Variants in PPP3CA observed in about 807,000 individuals in gnomAD.
PPP3CA encodes the protein CAM-PRP catalytic subunit.
Under a neutral mutation model 66.5 loss-of-function variants are expected in PPP3CA, and 14 were observed. The ratio of observed to expected loss-of-function variants is 0.21; its 90% CI spans 0.14 to 0.33. The LOEUF (loss-of-function observed/expected upper bound fraction) is 0.33. PPP3CA is among the 10% of genes least tolerant of loss of function. The pLI is 1.00. For synonymous variants in PPP3CA, 232 were observed against 226.2 expected (o/e 1.03, Z -0.23); for missense variants, 317 against 639.5 (o/e 0.50, Z 5.44).
chr4:101,294,680 C>T (rs1194162437), intron 1 of PPP3CA, among the ~76,000 whole-genome samples: 2 of 151,828 alleles, frequency 1.3e-5, no homozygotes, highest in Non-Finnish European at 2.9e-5. Flanking sequence ...GGGTTTCAAC[C>T]TCAGCATTAT....
Position 101,341,002 on chromosome 4 carries a change from C to A in PPP3CA, c.58+5737G>T, listed in dbSNP as rs567382009. 1.8e-4 allele frequency among the ~76,000 whole-genome samples: 28 copies of A among 152,190 alleles called. No homozygotes were observed. The South Asian group carries it at 5.2e-3, about 28-fold the overall frequency. On this transcript the variant is annotated intron_variant, in intron 1 of 13. Transcript: ENST00000394854. ...CAGAAAGCAATGTTTAACAGTATTT[C>A]TTTATAAACCTCAGGCCAAGGTCAG... is the stretch of plus-strand genomic sequence containing the variant.
intron 2 of PPP3CA, among the ~76,000 whole-genome samples, chr4:101,192,973 CAAG>C (rs1246662427): frequency 1.3e-5 from 2 of 152,262 alleles, no homozygotes; most frequent in Non-Finnish European, 2.9e-5. Context: ...ATGTAATAAT[CAAG>C]GAGCACTGTC....
At chr4:101,141,590 T>A (rs1447805390) in intron 2 of PPP3CA, among the ~76,000 whole-genome samples, 1 of 152,154 alleles carries the variant, frequency 6.6e-6, no homozygotes, top group African/African-American at 2.4e-5. Context: ...GCTCTCCTCT[T>A]TATTTATTGA....
chr4:101,142,241 C>T (rs1311049033), intron 2 of PPP3CA, among the ~76,000 whole-genome samples: 1 of 152,100 alleles, frequency 6.6e-6, no homozygotes, highest in Non-Finnish European at 1.5e-5. Context: ...TTTATAAATA[C>T]TAAATTGGAC....
chr4:101,083,612 T>C (rs1183052231), intron 6 of PPP3CA, among the ~76,000 whole-genome samples: 1 of 152,230 alleles, frequency 6.6e-6, no homozygotes, highest in Non-Finnish European at 1.5e-5. Flanking sequence ...ATAATGAATT[T>C]AAAATATAAG....
chr4:101,215,517 C>T (rs1379396026), intron 1 of PPP3CA, among the ~76,000 whole-genome samples: 2 of 151,866 alleles, frequency 1.3e-5, no homozygotes. Context: ...ATTAACAATC[C>T]AGTTACCAAG....
At chr4:101,298,790 C>T (rs1158474793) in intron 1 of PPP3CA, among the ~76,000 whole-genome samples, 4 of 150,474 alleles carry the variant, frequency 2.7e-5, no homozygotes, top group South Asian at 2.1e-4. Flanking sequence ...CATGAATTTT[C>T]GACTACATGA....
chr4:101,299,952 TG>T (rs1728324913), intron 1 of PPP3CA, among the ~76,000 whole-genome samples: 1 of 150,834 alleles, frequency 6.6e-6, no homozygotes, highest in Non-Finnish European at 1.5e-5. Flanking sequence ...TGCTTGGCAC[TG>T]AATTTGCAAA....
chr4:101,261,684 T>G (rs1727014100), intron 1 of PPP3CA, among the ~76,000 whole-genome samples: 1 of 152,092 alleles, frequency 6.6e-6, no homozygotes, highest in Non-Finnish European at 1.5e-5. Context: ...GTGATCTCAT[T>G]GCAAAGCATT....
chr4:101,182,479 A>C (rs996044967), intron 2 of PPP3CA, among the ~76,000 whole-genome samples: 2 of 152,146 alleles, frequency 1.3e-5, no homozygotes, highest in Non-Finnish European at 1.5e-5. Context: ...AAAACAAAAC[A>C]AAACCACAAC....
intron 1 of PPP3CA, among the ~76,000 whole-genome samples, chr4:101,202,067 C>T (rs1200028697): frequency 6.6e-6 from 1 of 151,936 alleles, no homozygotes; most frequent in African/African-American, 2.4e-5. Context: ...AACTAAAGAA[C>T]AAGTTTAAAG....
chr4:101,167,042 T>C (rs975123732), intron 2 of PPP3CA, among the ~76,000 whole-genome samples: 1 of 152,198 alleles, frequency 6.6e-6, no homozygotes. Flanking sequence ...AGGTGAGAAA[T>C]GATTTGCCTC....
chr4:101,242,759 C>T (rs920880193), intron 1 of PPP3CA, among the ~76,000 whole-genome samples: 4 of 152,178 alleles, frequency 2.6e-5, no homozygotes, highest in Non-Finnish European at 5.9e-5. Flanking sequence ...AGACCCCTGT[C>T]TCTACAAAAA....
At chr4:101,274,484 T>C (rs185084277) in intron 1 of PPP3CA, among the ~76,000 whole-genome samples, 1 of 152,334 alleles carries the variant, frequency 6.6e-6, no homozygotes, top group East Asian at 1.9e-4. Context: ...AGATAAAAGA[T>C]CTGTGAATTA....
chr4:101,258,493 A>C lies in PPP3CA; in HGVS notation c.59-62377T>G, dbSNP rs554265906. Among the ~76,000 whole-genome samples the C allele has an allele frequency of 3.3e-5, 5 of 152,276 alleles. No individual in the cohort carries two copies. The East Asian group carries it at 9.7e-4, about 29-fold the overall frequency. ...TTTTAGACACTAACTTTCCAACTGG[A>C]AACAGTAAATACTATCTAAATTAGA... On this transcript the variant is annotated intron_variant, in intron 1 of 13. Coordinates refer to ENST00000394854, the MANE Select transcript of PPP3CA (RefSeq NM_000944.5).
chr4:101,071,824 A>G (rs985667987), intron 8 of PPP3CA, among the ~76,000 whole-genome samples: 1 of 152,234 alleles, frequency 6.6e-6, no homozygotes, highest in African/African-American at 2.4e-5. Flanking sequence ...CTACTTAACT[A>G]AATTTACAAT....
At chr4:101,106,496 A>AAAAG (rs148156838) in intron 3 of PPP3CA, among the ~76,000 whole-genome samples, 2 of 51,230 alleles carry the variant, frequency 3.9e-5, no homozygotes, top group African/African-American at 1.6e-4. Context: ...AAAAGAAAAG[A>AAAAG]AAAGAAAGAA....
At chr4:101,218,788 G>A (rs1725531896) in intron 1 of PPP3CA, among the ~76,000 whole-genome samples, 1 of 152,000 alleles carries the variant, frequency 6.6e-6, no homozygotes, top group Non-Finnish European at 1.5e-5. Context: ...AAGTAAATGG[G>A]TATGCAAGAA....
At chr4:101,132,372 A>G (rs1348004040) in intron 2 of PPP3CA, among the ~76,000 whole-genome samples, 1 of 152,158 alleles carries the variant, frequency 6.6e-6, no homozygotes, top group Non-Finnish European at 1.5e-5. Flanking sequence ...TAAAAAATAA[A>G]AGAGAGATGA....
Sources: allele counts gnomAD v4.1 joint callset (sites outside exome capture counted in the v4.1 genomes callset), GRCh38; gene constraint gnomAD v4.1.1; transcripts MANE v1.5; gene names NCBI Gene and HGNC (gene_info 2026-07-23, HGNC 2026-07-21).